Variants in ASB5 observed in about 807,000 individuals in gnomAD.
ASB5 encodes ankyrin repeat and SOCS box containing 5, also known as ankyrin repeat and SOCS box protein 5.
In ASB5, 45 loss-of-function variants were observed where a neutral mutation model predicts 42.1. The observed-to-expected ratio is 1.07, with a 90% confidence interval of 0.84 to 1.37. ASB5 has a LOEUF of 1.37. Among genes scored for constraint, ASB5 ranks in the 40% most tolerant of loss-of-function variants. The pLI is 0.00. For synonymous variants in ASB5, 147 were observed against 150.6 expected, an observed-to-expected ratio of 0.98 and a Z score of 0.18; for missense variants, 402 against 399.8, an observed-to-expected ratio of 1.01 and a Z score of -0.05.
At chr4:176,222,839 G>GCAA (rs762798944) in intron 2 of ASB5, among the ~76,000 whole-genome samples, 4 of 152,060 alleles carry the variant, frequency 2.6e-5, no homozygotes, top group Non-Finnish European at 4.4e-5. Context: ...GTGCAGTGGC[G>GCAA]CAATCTCGGC....
chr4:176,221,413 T>G, intron 4 of ASB5, 37 bp downstream of exon 4: 1 of 1,605,572 alleles, frequency 6.2e-7, no homozygotes, highest in Non-Finnish European at 8.5e-7. Context: ...CTAAAGAAAC[T>G]TTCTTCCCTT....
At chr4:176,226,683 T>C (rs1753388248) in intron 1 of ASB5, among the ~76,000 whole-genome samples, 1 of 152,132 alleles carries the variant, frequency 6.6e-6, no homozygotes, top group Non-Finnish European at 1.5e-5. Context: ...AAAGTTCTGT[T>C]TCATGTTTTT....
Position 176,215,474 on chromosome 4 carries a change from A to T in ASB5, c.*126T>A. ...CACTTAAAATGAAAATTGATATTTT[A>T]CTGCTTCCCTGGGTGATCTCACACT... On this transcript the variant is annotated 3_prime_UTR_variant, in exon 7 of 7. Transcript: ENST00000296525. 1.1e-6 allele frequency: 1 copy of T among 932,844 alleles called. No homozygotes were observed. Among genetic ancestry groups the T allele is most frequent in the Non-Finnish European group, 1.6e-6 (1 of 643,712 alleles). The allele number at this position is 932,844 out of a possible 1,614,324, so 57.8% of individuals were successfully genotyped here.
intron 1 of ASB5, among the ~76,000 whole-genome samples, chr4:176,245,885 C>A (rs564451673): frequency 1.3e-5 from 2 of 152,096 alleles, no homozygotes; most frequent in South Asian, 4.2e-4. Flanking sequence ...ACATCACACA[C>A]TGGGGCCTGT....
At position 176,215,670 on chromosome 4, in the gene ASB5, T is replaced by G; in HGVS notation, c.920A>C (p.Lys307Thr). ...CRLCIRSYIG[K>T]PRLHLIPQLQ... ...TTGTGGGATAAGGTGCAATCTTGGT[T>G]TTCCTATGTAGCTTCGGATACAGAG... Residue 307 changes from lysine (K) to threonine (T), a missense_variant, in exon 7 of 7, where the codon AAA becomes ACA. Lys to Thr is a moderately conservative substitution (Grantham distance 78, BLOSUM62 -1). Coordinates refer to ENST00000296525, the MANE Select transcript of ASB5 (RefSeq NM_080874.4). 6.2e-7 allele frequency: 1 copy of G among 1,613,342 alleles called. No homozygotes were observed. Among genetic ancestry groups the G allele is most frequent in the Non-Finnish European group, 8.5e-7 (1 of 1,179,504 alleles).
intron 1 of ASB5, among the ~76,000 whole-genome samples, chr4:176,260,484 C>T (rs1310817124): frequency 1.3e-5 from 2 of 152,166 alleles, no homozygotes; most frequent in African/African-American, 4.8e-5. Context: ...AAGATTCTTT[C>T]AGTATTCATT....
intron 1 of ASB5, among the ~76,000 whole-genome samples, chr4:176,276,144 T>A (rs6817370): frequency 0.12 from 17,582 of 152,244 alleles, 1,323 homozygotes; most frequent in Non-Finnish European, 0.16. Flanking sequence ...AAGAGTTCCA[T>A]GATAAAAGTA....
intron 1 of ASB5, among the ~76,000 whole-genome samples, chr4:176,229,637 C>T (rs1047834510): frequency 4.0e-5 from 6 of 150,266 alleles, no homozygotes; most frequent in Non-Finnish European, 8.9e-5. Flanking sequence ...CTGCCATTTT[C>T]TTTATCATCC....
intron 5 of ASB5, 31 bp downstream of exon 5, chr4:176,221,124 A>T (rs766170350): frequency 1.3e-6 from 2 of 1,590,224 alleles, no homozygotes; most frequent in Admixed American, 1.8e-5. Flanking sequence ...GTGTGTATGG[A>T]CAGAATGGAA....
At chr4:176,244,203 G>A (rs576747210) in intron 1 of ASB5, among the ~76,000 whole-genome samples, 22 of 152,144 alleles carry the variant, frequency 1.4e-4, no homozygotes, top group Middle Eastern at 3.4e-3. Context: ...TTAAAACACT[G>A]TGCCTAAAAT....
chr4:176,224,366 C>CT (rs1753312743), intron 2 of ASB5, among the ~76,000 whole-genome samples: 1 of 151,122 alleles, frequency 6.6e-6, no homozygotes. Context: ...TCCCAAGTAG[C>CT]TGGGACTACA....
chr4:176,268,343 A>G (rs1754399469), intron 1 of ASB5, among the ~76,000 whole-genome samples: 1 of 152,170 alleles, frequency 6.6e-6, no homozygotes, highest in Admixed American at 6.6e-5. Flanking sequence ...TTACAAACTG[A>G]GCTGAGCAGT....
intron 1 of ASB5, among the ~76,000 whole-genome samples, chr4:176,253,817 G>GCAA (rs140112943): frequency 2.0e-5 from 3 of 152,048 alleles, no homozygotes; most frequent in African/African-American, 7.2e-5. Flanking sequence ...TACAATAGCT[G>GCAA]CAACAACAAC....
Position 176,215,277 on chromosome 4 carries a change from A to C in ASB5, c.*323T>G, listed in dbSNP as rs1422605144. ...CATAGACCTTTTTAAATATAATATGAATAACTTTACTAGGAGCTTTATTTC... is the reference window on the plus strand; with the variant it reads ...CATAGACCTTTTTAAATATAATATGCATAACTTTACTAGGAGCTTTATTTC... On this transcript the variant is annotated 3_prime_UTR_variant, in exon 7 of 7. Coordinates refer to ENST00000296525, the MANE Select transcript of ASB5 (RefSeq NM_080874.4). 1 of 168,608 alleles carries C rather than the reference A, an allele frequency of 5.9e-6. No individual in the cohort carries two copies. The highest frequency in any genetic ancestry group is 2.4e-5 in the African/African-American group (1 of 42,080). 10.4% of individuals were successfully genotyped at this position (168,608 alleles called of 1,614,324 possible). A position where few individuals can be genotyped will look rare whatever the true frequency, so the allele number is the denominator to read the frequency against.
chr4:176,270,740 GA>G (rs1463217481), upstream of ASB5, among the ~76,000 whole-genome samples: 1 of 152,112 alleles, frequency 6.6e-6, no homozygotes, highest in Middle Eastern at 3.2e-3. Flanking sequence ...CTACTGGTAA[GA>G]CTGTGTCAGT....
chr4:176,244,518 C>T (rs1401394626), intron 1 of ASB5, among the ~76,000 whole-genome samples: 1 of 152,192 alleles, frequency 6.6e-6, no homozygotes, highest in Non-Finnish European at 1.5e-5. Context: ...CAGGGAGGCA[C>T]TGACTCTTCC....
chr4:176,231,876 C>G (rs1753556354), intron 1 of ASB5, among the ~76,000 whole-genome samples: 1 of 99,216 alleles, frequency 1.0e-5, no homozygotes. Flanking sequence ...ACAAAAAAGT[C>G]TTTACCTGCT....
At chr4:176,267,344 G>C (rs1448227635) in intron 1 of ASB5, among the ~76,000 whole-genome samples, 1 of 152,144 alleles carries the variant, frequency 6.6e-6, no homozygotes, top group Non-Finnish European at 1.5e-5. Context: ...TATAGTTCAG[G>C]CCTGGCACGG....
chr4:176,267,019 C>T (rs563189353), intron 1 of ASB5, among the ~76,000 whole-genome samples: 1 of 152,194 alleles, frequency 6.6e-6, no homozygotes, highest in Non-Finnish European at 1.5e-5. Flanking sequence ...AAGGAGCTTC[C>T]ATGGCCTCCT....
Sources: allele counts gnomAD v4.1 joint callset (sites outside exome capture counted in the v4.1 genomes callset), GRCh38; gene constraint gnomAD v4.1.1; transcripts MANE v1.5; gene names NCBI Gene and HGNC (gene_info 2026-07-23, HGNC 2026-07-21).